Variants in NEGR1 observed in about 807,000 individuals in gnomAD.
NEGR1 encodes the protein IgLON family member 4.
A neutral mutation model predicts 40.9 loss-of-function variants in NEGR1; 10 were observed. The observed-to-expected ratio is 0.24, with a 90% CI of 0.15 to 0.42. The LOEUF is 0.42. NEGR1 is among the 10% of genes least tolerant of loss of function. The probability of loss-of-function intolerance (pLI) is 1.00; values close to 1 mark genes in which losing one functional copy is unlikely to be tolerated. For synonymous variants in NEGR1, 185 were observed against 166.8 expected (o/e 1.11, Z -0.84); for missense variants, 352 against 438.9 (o/e 0.80, Z 1.77).
chr1:71,442,402 G>T (rs1646554255), intron 6 of NEGR1, among the ~76,000 whole-genome samples: 1 of 151,994 alleles, frequency 6.6e-6, no homozygotes, highest in South Asian at 2.1e-4. Flanking sequence ...ATCACTTGAG[G>T]TCAGGAGTTC....
intron 4 of NEGR1, among the ~76,000 whole-genome samples, chr1:71,623,420 G>A (rs1334986): frequency 0.018 from 2,661 of 151,908 alleles, 70 homozygotes; most frequent in African/African-American, 0.061. Context: ...ATTTCTATAT[G>A]GTTCAAAGAC....
chr1:71,468,981 T>C (rs1646765424), intron 6 of NEGR1: 1 of 152,040 alleles, frequency 6.6e-6, no homozygotes, highest in Non-Finnish European at 1.5e-5. Flanking sequence ...AAAATCTGTT[T>C]GAACCAGGTA....
chr1:72,281,952 A>G (rs1656269841), intron 1 of NEGR1, among the ~76,000 whole-genome samples: 1 of 152,162 alleles, frequency 6.6e-6, no homozygotes, highest in Admixed American at 6.5e-5. Context: ...CTGGAGTAAA[A>G]TAGAAACAAA....
chr1:71,420,521 A>T lies in NEGR1; in HGVS notation c.941-12951T>A, dbSNP rs376743300. On this transcript the variant is annotated intron_variant, in intron 6 of 6. Coordinates refer to ENST00000357731, the MANE Select transcript of NEGR1 (RefSeq NM_173808.3). ...AAAACATTCTACACAAGAAAAAAGG[A>T]AATGATTTTTACAAAATCATATGTT... Among the ~76,000 whole-genome samples the T allele has an allele frequency of 5.9e-5, 9 of 152,174 alleles. No homozygotes were observed. The East Asian group carries it at 1.2e-3, about 20-fold the overall frequency.
intron 6 of NEGR1, among the ~76,000 whole-genome samples, chr1:71,494,258 GC>G (rs1646947759): frequency 6.6e-6 from 1 of 152,174 alleles, no homozygotes; most frequent in Non-Finnish European, 1.5e-5. Flanking sequence ...AGTAAAGGTT[GC>G]CTGACTTTTG....
intron 1 of NEGR1, among the ~76,000 whole-genome samples, chr1:72,139,688 T>C (rs868622830): frequency 2.9e-4 from 44 of 152,062 alleles, no homozygotes; most frequent in Admixed American, 2.4e-3. Context: ...CAATAAAAAG[T>C]CGATCAGTGT....
chr1:71,860,280 G>A (rs1659907186), intron 2 of NEGR1, among the ~76,000 whole-genome samples: 1 of 151,714 alleles, frequency 6.6e-6, no homozygotes, highest in Non-Finnish European at 1.5e-5. Context: ...TAGCATTTCT[G>A]AGAACATAAC....
At chr1:71,571,322 C>T (rs1648800850) in intron 6 of NEGR1, among the ~76,000 whole-genome samples, 2 of 152,294 alleles carry the variant, frequency 1.3e-5, no homozygotes, top group African/African-American at 2.4e-5. Context: ...GGACTATTCT[C>T]ATAATTCTCT....
chr1:72,019,720 A>G (rs1186912061), intron 1 of NEGR1, among the ~76,000 whole-genome samples: 2 of 152,134 alleles, frequency 1.3e-5, no homozygotes, highest in African/African-American at 4.8e-5. Context: ...ACAATATCAC[A>G]TTTCTTCATT....
intron 2 of NEGR1, among the ~76,000 whole-genome samples, chr1:71,911,893 A>G (rs1037704480): frequency 1.3e-5 from 2 of 152,142 alleles, no homozygotes; most frequent in African/African-American, 4.8e-5. Flanking sequence ...ACAAGAGTCT[A>G]CCACCACACC....
In NEGR1 at chr1:71,708,749, C is replaced by T. The variant is rs181444148; in HGVS notation, c.536-10610G>A. Among the ~76,000 whole-genome samples, 10 of 152,286 alleles carry T rather than the reference C, an allele frequency of 6.6e-5. No individual in the cohort carries two copies. In the East Asian group the frequency reaches 1.7e-3, roughly 27 times the overall value. On this transcript the variant is annotated intron_variant, in intron 3 of 6. Transcript: ENST00000357731. Reference sequence around the variant, plus strand: ...TTAGCTATTCTTCCTGATGCTCCCCCTCCCCACAGGTGCCCAGCATGTGTT... The same window carrying T: ...TTAGCTATTCTTCCTGATGCTCCCCTTCCCCACAGGTGCCCAGCATGTGTT...
chr1:71,703,532 A>G (rs1450686974), intron 3 of NEGR1: 1 of 151,648 alleles, frequency 6.6e-6, no homozygotes, highest in Non-Finnish European at 1.5e-5. Flanking sequence ...AATTAAATAC[A>G]GTTGGCTATA....
intron 1 of NEGR1, among the ~76,000 whole-genome samples, chr1:72,265,718 T>C (rs945631226): frequency 6.6e-6 from 1 of 150,964 alleles, no homozygotes; most frequent in Non-Finnish European, 1.5e-5. Flanking sequence ...ATTTGAAAAA[T>C]CTTCAATGAG....
intron 5 of NEGR1, among the ~76,000 whole-genome samples, chr1:71,605,599 A>C (rs1023664395): frequency 2.6e-5 from 4 of 152,180 alleles, no homozygotes; most frequent in Non-Finnish European, 5.9e-5. Flanking sequence ...ATCACCAAAA[A>C]CGTTTGCTTA....
chr1:71,420,738 C>T (rs1260148117), intron 6 of NEGR1, among the ~76,000 whole-genome samples: 1 of 151,960 alleles, frequency 6.6e-6, no homozygotes, highest in East Asian at 1.9e-4. Flanking sequence ...AGTTTAATGC[C>T]TTTTCCAGAA....
chr1:71,753,336 A>G (rs759744550), intron 3 of NEGR1, among the ~76,000 whole-genome samples: 64 of 152,160 alleles, frequency 4.2e-4, no homozygotes, highest in Non-Finnish European at 7.4e-4. Context: ...CACATACTAT[A>G]TGTAAGTATA....
At chr1:71,720,024 G>A (rs1391397102) in intron 3 of NEGR1, among the ~76,000 whole-genome samples, 1 of 152,102 alleles carries the variant, frequency 6.6e-6, no homozygotes, top group Non-Finnish European at 1.5e-5. Context: ...TGTCATAGAA[G>A]TATATAAATG....
chr1:71,924,783 G>A (rs893112029), intron 2 of NEGR1, among the ~76,000 whole-genome samples: 8 of 152,006 alleles, frequency 5.3e-5, no homozygotes, highest in South Asian at 4.1e-4. Context: ...ACTACAACAC[G>A]CATTCACTAT....
At chr1:72,275,456 C>T (rs1368472776) in intron 1 of NEGR1, among the ~76,000 whole-genome samples, 3 of 151,732 alleles carry the variant, frequency 2.0e-5, no homozygotes, top group African/African-American at 7.3e-5. Context: ...AGCAAAAAGA[C>T]AGGTAATAGG....
Sources: gnomAD v4.1 joint callset for allele counts (sites outside exome capture counted in the v4.1 genomes callset) on GRCh38, gnomAD v4.1.1 for gene constraint, MANE v1.5 for transcripts, NCBI Gene and HGNC (gene_info 2026-07-23, HGNC 2026-07-21) for gene names.